The following MYT1 variants were observed in gnomAD, a reference collection of about 807,000 sequenced individuals.
MYT1 encodes the protein myelin transcription factor 1.
A neutral mutation model predicts 123.0 loss-of-function variants in MYT1; 23 were observed. That is an observed-to-expected ratio of 0.19 (90% CI 0.13 to 0.26). The LOEUF (loss-of-function observed/expected upper bound fraction) is 0.26, where lower values mean the gene tolerates loss of function less well. MYT1 is among the 10% of genes least tolerant of loss of function. The probability of loss-of-function intolerance (pLI) is 1.00; values close to 1 mark genes in which losing one functional copy is unlikely to be tolerated. For synonymous variants in MYT1, 518 were observed against 575.3 expected (o/e 0.90, Z 1.43); for missense variants, 1,125 against 1,472.5 (o/e 0.76, Z 3.86).
intron 10 of MYT1, among the ~76,000 whole-genome samples, chr20:64,214,862 A>G (rs979247401): frequency 5.9e-5 from 9 of 152,242 alleles, no homozygotes; most frequent in Non-Finnish European, 1.0e-4. Context: ...AGTTCCAGCC[A>G]GATGATCTTC....
At chr20:64,188,277 C>T (rs961689519) in intron 1 of MYT1, among the ~76,000 whole-genome samples, 1 of 152,162 alleles carries the variant, frequency 6.6e-6, no homozygotes, top group African/African-American at 2.4e-5. Flanking sequence ...GAGTCGCACT[C>T]GGGAGAGGCA....
At chr20:64,165,552 T>A (rs926395244) in intron 1 of MYT1, among the ~76,000 whole-genome samples, 2 of 152,210 alleles carry the variant, frequency 1.3e-5, no homozygotes, top group Non-Finnish European at 2.9e-5. Context: ...AATAAACAAG[T>A]GCTGGTGGCT....
chr20:64,201,762 C>T (rs1479690721), intron 4 of MYT1, among the ~76,000 whole-genome samples: 1 of 152,234 alleles, frequency 6.6e-6, no homozygotes, highest in Non-Finnish European at 1.5e-5. Context: ...GGGGGCCACA[C>T]CGTGGGTACC....
In MYT1 at chr20:64,167,386, G is replaced by A. The variant is rs1982115298; in HGVS notation, c.-99+2647G>A. ...ACCCAGTCCCTCTGTCGGGGCTCAGGGTGGGGATGAGACCGGGAACAACCA... is the reference window on the plus strand; with the variant it reads ...ACCCAGTCCCTCTGTCGGGGCTCAGAGTGGGGATGAGACCGGGAACAACCA... On this transcript the variant is annotated intron_variant, in intron 1 of 22. Transcript: ENST00000328439. This position sits in a 1 kb window ranked among gnomAD's most constrained non-coding sequence, Gnocchi z 6.3. Among the ~76,000 whole-genome samples, 1 of 152,198 alleles carries A rather than the reference G, an allele frequency of 6.6e-6. No homozygotes were observed. The highest frequency in any genetic ancestry group is 2.4e-5 in the African/African-American group (1 of 41,440).
chr20:64,230,283 C>A (rs1055509620), intron 18 of MYT1, among the ~76,000 whole-genome samples: 1 of 152,156 alleles, frequency 6.6e-6, no homozygotes, highest in Non-Finnish European at 1.5e-5. Context: ...GAGGCTGAGG[C>A]GGGTGGATCA....
At position 64,186,218 on chromosome 20, in the gene MYT1, C is replaced by T. The variant is rs923018485; in HGVS notation, c.-98-3845C>T. ...GGACAGATGTGGGGGTTACCTTGAG[C>T]AGGCAGGACTCCAGGTGCAAAGATG... On this transcript the variant is annotated intron_variant, in intron 1 of 22. Transcript: ENST00000328439. This position sits in a 1 kb window ranked among gnomAD's most constrained non-coding sequence, Gnocchi z 4.3. Among the ~76,000 whole-genome samples the T allele has an allele frequency of 6.6e-6, 1 of 152,100 alleles. No individual in the cohort carries two copies. The highest frequency in any genetic ancestry group is 2.4e-5 in the African/African-American group (1 of 41,414).
At chr20:64,184,745 A>T (rs1326109594) in intron 1 of MYT1, among the ~76,000 whole-genome samples, 1 of 152,226 alleles carries the variant, frequency 6.6e-6, no homozygotes, top group Non-Finnish European at 1.5e-5. Flanking sequence ...TTTGGGGCCA[A>T]GGATGACCCT....
Position 64,196,372 on chromosome 20 carries a change from T to A in MYT1, c.1-2490T>A, listed in dbSNP as rs1324642441. On this transcript the variant is annotated intron_variant, in intron 2 of 22. Coordinates refer to ENST00000328439, the MANE Select transcript of MYT1 (RefSeq NM_004535.3). The surrounding 1 kb of genome is among the most constrained non-coding windows in gnomAD (Gnocchi z 4.3). ...TCCATCTACCACATCGTGGTGCCGA[T>A]CTTGCGGCAGGAGGAGAGCAGAGAA... Among the ~76,000 whole-genome samples the A allele has an allele frequency of 6.6e-6, 1 of 152,220 alleles. No individual in the cohort carries two copies. The highest frequency in any genetic ancestry group is 1.5e-5 in the Non-Finnish European group (1 of 68,044).
intron 21 of MYT1, 151 bp from the exon 22 acceptor site, chr20:64,239,609 A>G: frequency 1.8e-6 from 2 of 1,091,974 alleles, no homozygotes; most frequent in East Asian, 5.0e-5. Context: ...CACCTGTGGC[A>G]GAACCCCCTA....
In MYT1 at chr20:64,185,754, A is replaced by G. The variant is rs1035169592; in HGVS notation, c.-98-4309A>G. On this transcript the variant is annotated intron_variant, in intron 1 of 22. Coordinates refer to ENST00000328439, the MANE Select transcript of MYT1 (RefSeq NM_004535.3). This position sits in a 1 kb window ranked among gnomAD's most constrained non-coding sequence, Gnocchi z 4.5. ...CCATGGGGTTGTGCGTGGAGTGGCC[A>G]CAGTGCCAGTGCAAGGAGGAAGTGT... Among the ~76,000 whole-genome samples the G allele has an allele frequency of 1.5e-4, 23 of 152,246 alleles. No individual in the cohort carries two copies. The highest frequency in any genetic ancestry group is 5.5e-4 in the African/African-American group (23 of 41,462).
rs774692266 is a variant in MYT1, at chr20:64,196,846, C to A, written c.1-2016C>A. On this transcript the variant is annotated intron_variant, in intron 2 of 22. Coordinates refer to ENST00000328439, the MANE Select transcript of MYT1 (RefSeq NM_004535.3). The surrounding 1 kb of genome is among the most constrained non-coding windows in gnomAD (Gnocchi z 4.3). ...CCAAATTGCCAAGGCACGCTTTAAC[C>A]TAGCAGAATGCTTGCCAATATCCTT... Among the ~76,000 whole-genome samples, 28 of 152,306 alleles carry A rather than the reference C, an allele frequency of 1.8e-4. No homozygotes were observed. The highest frequency in any genetic ancestry group is 9.8e-4 in the Admixed American group (15 of 15,298).
Position 64,203,543 on chromosome 20 carries a change from G to T in MYT1, c.87-1492G>T, listed in dbSNP as rs988527964. ...CCCTCTTCCCCTCCCTTCCCGTCTG[G>T]GTTCCCTCTTCCCTCCTCCCTCCCT... On this transcript the variant is annotated intron_variant, in intron 4 of 22. Transcript: ENST00000328439. The surrounding 1 kb of genome is among the most constrained non-coding windows in gnomAD (Gnocchi z 5.1). 3.3e-5 allele frequency among the ~76,000 whole-genome samples: 5 copies of T among 151,818 alleles called. No homozygotes were observed. The highest frequency in any genetic ancestry group is 1.2e-4 in the African/African-American group (5 of 41,332).
At position 64,198,286 on chromosome 20, in the gene MYT1, C is replaced by CAAAAAA. The variant is rs34822167; in HGVS notation, c.1-554_1-549dup. ...TGGGCGACAGAGCGAGACTCCGTCTCAAAAAAAAAAAAAAAAAAAAAAAAA... is the reference window on the plus strand; with the variant it reads ...TGGGCGACAGAGCGAGACTCCGTCTCAAAAAAAAAAAAAAAAAAAAAAAAAAAAAAA... On this transcript the variant is annotated intron_variant, in intron 2 of 22. Transcript: ENST00000328439. Among the ~76,000 whole-genome samples the CAAAAAA allele has an allele frequency of 2.7e-3, 65 of 23,824 alleles. 5 individuals are homozygous for CAAAAAA. The highest frequency in any genetic ancestry group is 7.1e-3 in the African/African-American group (64 of 8,964). 15.6% of individuals were successfully genotyped at this position (23,824 alleles called of 152,430 possible).
At chr20:64,184,803 A>T (rs888274173) in intron 1 of MYT1, among the ~76,000 whole-genome samples, 3 of 152,108 alleles carry the variant, frequency 2.0e-5, no homozygotes, top group Admixed American at 2.0e-4. Flanking sequence ...GAAGAGGAAA[A>T]CCCCACGTCA....
At chr20:64,205,530 C>T (rs1210249532) in intron 5 of MYT1, 23 bp from the exon 6 acceptor site, 2 of 1,612,496 alleles carry the variant, frequency 1.2e-6, no homozygotes, top group East Asian at 2.2e-5. Context: ...TGGTCCTCTC[C>T]ACTGCCTACT....
intron 19 of MYT1, among the ~76,000 whole-genome samples, chr20:64,233,500 C>T (rs1192129708): frequency 1.1e-5 from 1 of 93,390 alleles, no homozygotes; most frequent in Non-Finnish European, 2.1e-5. Flanking sequence ...CCTCCCCTCC[C>T]TTTTCCCTTC....
chr20:64,197,732 G>A (rs1220991502), intron 2 of MYT1, among the ~76,000 whole-genome samples: 1 of 152,248 alleles, frequency 6.6e-6, no homozygotes, highest in Admixed American at 6.5e-5. Context: ...AGGATGCTGT[G>A]TGTGACCCTC....
chr20:64,198,139 T>C (rs1203819183), intron 2 of MYT1, among the ~76,000 whole-genome samples: 1 of 151,138 alleles, frequency 6.6e-6, no homozygotes, highest in Non-Finnish European at 1.5e-5. Context: ...TACAAAAAAT[T>C]AGCCGGGCGT....
chr20:64,179,597 C>T (rs746588076), intron 1 of MYT1, among the ~76,000 whole-genome samples: 1 of 152,166 alleles, frequency 6.6e-6, no homozygotes, highest in Non-Finnish European at 1.5e-5. Flanking sequence ...TTTGGATGCT[C>T]AGATTGTCCC....
Sources: allele counts gnomAD v4.1 joint callset (sites outside exome capture counted in the v4.1 genomes callset), GRCh38; gene constraint gnomAD v4.1.1; non-coding constraint Gnocchi (gnomAD v3.1); transcripts MANE v1.5; gene names NCBI Gene and HGNC (gene_info 2026-07-23, HGNC 2026-07-21).